The following GLIS3 variants were observed in gnomAD, a reference collection of about 807,000 sequenced individuals.
GLIS3 encodes the protein GLIS family zinc finger 3.
A neutral mutation model predicts 78.6 loss-of-function variants in GLIS3; 53 were observed. The observed-to-expected ratio is 0.67, with a 90% CI of 0.54 to 0.85. GLIS3 has a LOEUF of 0.85. Among genes scored for constraint, GLIS3 ranks in the 40% least tolerant of loss-of-function variants. The probability of loss-of-function intolerance (pLI) is 0.00; values close to 1 mark genes in which losing one functional copy is unlikely to be tolerated. For synonymous variants in GLIS3, 684 were observed against 509.9 expected (o/e 1.34, Z -4.60); for missense variants, 1,703 against 1,231.1 (o/e 1.38, Z -5.74).
chr9:4,261,775 C>G (rs186632133), intron 2 of GLIS3, among the ~76,000 whole-genome samples: 18 of 152,320 alleles, frequency 1.2e-4, no homozygotes, highest in Admixed American at 1.0e-3. Context: ...GCAAGCGGCA[C>G]TGCCTCACAA....
the GLIS3 span, among the ~76,000 whole-genome samples, chr9:4,485,655 G>A: frequency 5.2e-3 from 789 of 151,600 alleles, 7 homozygotes; most frequent in South Asian, 0.011. Context: ...CTACCTGTGC[G>A]GCAGGCAAGA....
intron 6 of GLIS3, among the ~76,000 whole-genome samples, chr9:3,931,351 C>T (rs565347): frequency 0.9 from 137,630 of 152,128 alleles, 63,856 homozygotes; most frequent in East Asian, 1. Flanking sequence ...GTTAAATCCC[C>T]ATAAACCATG....
chr9:4,125,519 T>G (rs1480655005), intron 3 of GLIS3, among the ~76,000 whole-genome samples: 2 of 152,008 alleles, frequency 1.3e-5, no homozygotes, highest in African/African-American at 4.8e-5. Context: ...CACAAGACAG[T>G]AGGTATTAAA....
intron 4 of GLIS3, among the ~76,000 whole-genome samples, chr9:4,112,023 T>A (rs1044384189): frequency 6.6e-6 from 1 of 152,242 alleles, no homozygotes; most frequent in African/African-American, 2.4e-5. Context: ...TATTAAAAGC[T>A]GAAAGTCTGC....
At chr9:4,389,407 T>A in the GLIS3 span, among the ~76,000 whole-genome samples, 1 of 152,140 alleles carries the variant, frequency 6.6e-6, no homozygotes, top group African/African-American at 2.4e-5. Context: ...TCGTAGGTTG[T>A]GAGGGAAGGG....
chr9:4,418,053 A>C, the GLIS3 span, among the ~76,000 whole-genome samples: 2 of 152,184 alleles, frequency 1.3e-5, no homozygotes, highest in African/African-American at 4.8e-5. Flanking sequence ...ATAATCAAAA[A>C]ACATTCCACA....
At chr9:4,345,803 G>A (rs1469407401) in intron 2 of GLIS3, among the ~76,000 whole-genome samples, 3 of 152,316 alleles carry the variant, frequency 2.0e-5, no homozygotes, top group African/African-American at 7.2e-5. Flanking sequence ...AAGTGATTGC[G>A]TCTGGGGAGT....
chr9:3,953,073 T>A (rs1317619621), intron 4 of GLIS3, among the ~76,000 whole-genome samples: 3 of 152,178 alleles, frequency 2.0e-5, no homozygotes. Context: ...CACTTCTTGT[T>A]TTTTTCTGGG....
chr9:3,829,389 G>T lies in GLIS3; in HGVS notation c.2577C>A (p.Asp859Glu). Residue 859 changes from aspartate (D) to glutamate (E), a missense_variant, in exon 10 of 11, where the codon GAC (aspartate) becomes GAA (glutamate). Physicochemically the swap from Asp to Glu is conservative, Grantham distance 45. Transcript: ENST00000381971. ...SSCSVVPSFE[D>E]CLVPTSMGQA... ...GGCCCATGGATGTAGGGACTAGGCA[G>T]TCCTCAAACGAAGGCACCACACTGC... 6.2e-7 allele frequency: 1 copy of T among 1,614,112 alleles called. No individual in the cohort carries two copies. The highest frequency in any genetic ancestry group is 1.6e-4 in the Middle Eastern group (1 of 6,062).
At chr9:4,025,641 C>T (rs940439945) in intron 4 of GLIS3, among the ~76,000 whole-genome samples, 12 of 152,146 alleles carry the variant, frequency 7.9e-5, no homozygotes, top group Admixed American at 5.2e-4. Flanking sequence ...CCGTCTCAGC[C>T]TCCCAAAATG....
chr9:4,112,670 C>T (rs866726829), intron 4 of GLIS3, among the ~76,000 whole-genome samples: 2 of 152,132 alleles, frequency 1.3e-5, no homozygotes, highest in Non-Finnish European at 1.5e-5. Flanking sequence ...AGATCAATTT[C>T]TCTAGGCTTT....
At chr9:4,155,684 G>C (rs1211727389) in intron 2 of GLIS3, among the ~76,000 whole-genome samples, 1 of 152,150 alleles carries the variant, frequency 6.6e-6, no homozygotes, top group Non-Finnish European at 1.5e-5. Flanking sequence ...GAACCCATAA[G>C]TCGAGCAACT....
chr9:4,419,357 A>G, the GLIS3 span, among the ~76,000 whole-genome samples: 1 of 152,184 alleles, frequency 6.6e-6, no homozygotes, highest in Admixed American at 6.5e-5. Flanking sequence ...TAATTGGCTC[A>G]CCGTTCTGCA....
chr9:4,323,249 C>T (rs1291103036), intron 2 of GLIS3, among the ~76,000 whole-genome samples: 1 of 152,122 alleles, frequency 6.6e-6, no homozygotes, highest in Non-Finnish European at 1.5e-5. Flanking sequence ...AACTATACTA[C>T]AAACTATACT....
At chr9:3,929,642 G>GTA (rs2130767921) in intron 6 of GLIS3, among the ~76,000 whole-genome samples, 1 of 152,214 alleles carries the variant, frequency 6.6e-6, no homozygotes, top group East Asian at 1.9e-4. Context: ...GGCAAGCAGG[G>GTA]TATATTAAAT....
chr9:3,981,822 TC>T (rs1400027800), intron 4 of GLIS3, among the ~76,000 whole-genome samples: 2 of 152,050 alleles, frequency 1.3e-5, no homozygotes, highest in African/African-American at 2.4e-5. Flanking sequence ...GACTAGAACC[TC>T]CCCAGGTGGA....
At chr9:4,042,571 G>C (rs1352533904) in intron 4 of GLIS3, among the ~76,000 whole-genome samples, 1 of 152,138 alleles carries the variant, frequency 6.6e-6, no homozygotes, top group African/African-American at 2.4e-5. Context: ...TACATCCACT[G>C]TTCCGAAGAT....
intron 2 of GLIS3, among the ~76,000 whole-genome samples, chr9:4,150,225 C>A (rs1347746355): frequency 6.6e-6 from 1 of 152,186 alleles, no homozygotes; most frequent in African/African-American, 2.4e-5. Flanking sequence ...GAAAGGGGGT[C>A]TTTTCTAAAA....
At chr9:3,882,888 TG>T (rs1226126678) in intron 7 of GLIS3, among the ~76,000 whole-genome samples, 1 of 152,220 alleles carries the variant, frequency 6.6e-6, no homozygotes, top group Non-Finnish European at 1.5e-5. Flanking sequence ...ATCTTACTTC[TG>T]GTGAGAAGGT....
Sources: gnomAD v4.1 joint callset for allele counts (sites outside exome capture counted in the v4.1 genomes callset) on GRCh38, gnomAD v4.1.1 for gene constraint, MANE v1.5 for transcripts, NCBI Gene and HGNC (gene_info 2026-07-23, HGNC 2026-07-21) for gene names.